CD109: variants seen among roughly 807,000 people sequenced by gnomAD.
CD109 encodes CD109 molecule, also known as CD109 antigen.
In CD109, 149 loss-of-function variants were observed where a neutral mutation model predicts 165.8. The ratio of observed to expected loss-of-function variants is 0.90; its 90% CI spans 0.79 to 1.03. The LOEUF (loss-of-function observed/expected upper bound fraction) is 1.03. CD109 is among the 50% of genes least tolerant of loss of function. CD109 has a pLI of 0.00. For missense variants in CD109, 1,712 were observed against 1,677.8 expected, an observed-to-expected ratio of 1.02 and a Z score of -0.36; for synonymous variants, 585 against 592.1, an observed-to-expected ratio of 0.99 and a Z score of 0.18.
chr6:73,681,324 T>TTGTGTGTGTG, the CD109 span, among the ~76,000 whole-genome samples: 15,908 of 145,538 alleles, frequency 0.11, 1,103 homozygotes, highest in South Asian at 0.27. Flanking sequence ...CAGTTACCAT[T>TTGTGTGTGTG]TGTGTGTGTG....
chr6:73,754,114 A>G (rs1773295565), intron 5 of CD109, among the ~76,000 whole-genome samples: 1 of 152,246 alleles, frequency 6.6e-6, no homozygotes, highest in South Asian at 2.1e-4. Context: ...AAGAAAAGCT[A>G]TTTGAAAGAG....
At chr6:73,761,834 A>G (rs1773647496) in intron 7 of CD109, among the ~76,000 whole-genome samples, 1 of 151,604 alleles carries the variant, frequency 6.6e-6, no homozygotes, top group South Asian at 2.1e-4. Flanking sequence ...ATCACCGTTT[A>G]TTAAAGACAT....
chr6:73,747,891 T>TG (rs1436764323), intron 5 of CD109, among the ~76,000 whole-genome samples: 4 of 152,016 alleles, frequency 2.6e-5, no homozygotes, highest in Middle Eastern at 3.4e-3. Flanking sequence ...TTCTTTTTTT[T>TG]TTTTCCTACC....
chr6:73,761,350 A>G (rs913367604), intron 7 of CD109, among the ~76,000 whole-genome samples: 1 of 152,172 alleles, frequency 6.6e-6, no homozygotes, highest in African/African-American at 2.4e-5. Context: ...TGTAATCTTT[A>G]AAAAATCTTT....
chr6:73,734,300 G>A (rs1772470900), intron 4 of CD109, among the ~76,000 whole-genome samples: 1 of 152,104 alleles, frequency 6.6e-6, no homozygotes, highest in South Asian at 2.1e-4. Flanking sequence ...CATTGTCCAG[G>A]AGAAATGTAT....
chr6:73,819,502 A>G (rs1776041564), intron 31 of CD109, among the ~76,000 whole-genome samples: 1 of 152,226 alleles, frequency 6.6e-6, no homozygotes, highest in Admixed American at 6.5e-5. Flanking sequence ...ATTTCATATT[A>G]CATGGGTGGG....
chr6:73,697,095 G>T (rs1035161271), intron 1 of CD109, among the ~76,000 whole-genome samples: 1 of 152,150 alleles, frequency 6.6e-6, no homozygotes, highest in African/African-American at 2.4e-5. Context: ...ATTATGCCCC[G>T]GTGCAAGCCA....
chr6:73,818,796 A>G (rs1437580), intron 31 of CD109, among the ~76,000 whole-genome samples: 17,554 of 152,210 alleles, frequency 0.12, 1,419 homozygotes, highest in African/African-American at 0.23. Flanking sequence ...TGTGAAATAC[A>G]TAGAAATTTC....
intron 31 of CD109, among the ~76,000 whole-genome samples, 155 bp from the exon 32 acceptor site, chr6:73,820,306 G>T (rs984678049): frequency 1.3e-5 from 2 of 152,166 alleles, no homozygotes; most frequent in African/African-American, 4.8e-5. Flanking sequence ...AAATAAGATA[G>T]TTCATAGGAA....
At chr6:73,800,402 T>TA (rs1363388433) in intron 23 of CD109, among the ~76,000 whole-genome samples, 2 of 152,318 alleles carry the variant, frequency 1.3e-5, no homozygotes, top group African/African-American at 4.8e-5. Context: ...GATGATGCTG[T>TA]AATGAATAAT....
At chr6:73,757,441 A>C (rs1773440683) in intron 6 of CD109, among the ~76,000 whole-genome samples, 1 of 152,224 alleles carries the variant, frequency 6.6e-6, no homozygotes, top group South Asian at 2.1e-4. Flanking sequence ...TGGGCATGAA[A>C]ATTTGAATTT....
rs1199875162 is a variant in CD109, at chr6:73,696,299, T to C, written c.74+10T>C. 1 of 1,496,452 alleles carries C rather than the reference T, an allele frequency of 6.7e-7. No individual in the cohort carries two copies. Among genetic ancestry groups the C allele is most frequent in the Non-Finnish European group, 8.8e-7 (1 of 1,131,998 alleles). 92.7% of individuals were successfully genotyped at this position (1,496,452 alleles called of 1,614,324 possible). On this transcript the variant is annotated intron_variant, in intron 1 of 32. Coordinates refer to ENST00000287097, the MANE Select transcript of CD109 (RefSeq NM_133493.5). The stretch of plus-strand genomic sequence containing the variant: ...TGGCCGTGGCTCCCGGGTAGGAACG[T>C]GGGCGCGCGGGGGGCGCGCGGGCGC...
At chr6:73,758,240 C>T (rs1773473173) in intron 6 of CD109, among the ~76,000 whole-genome samples, 1 of 151,594 alleles carries the variant, frequency 6.6e-6, no homozygotes, top group African/African-American at 2.4e-5. Flanking sequence ...GGTGAGGTGC[C>T]TTGTTATGAG....
Position 73,815,221 on chromosome 6 carries a change from T to G in CD109, c.3911+98T>G. On this transcript the variant is annotated intron_variant, in intron 30 of 32. Coordinates refer to ENST00000287097, the MANE Select transcript of CD109 (RefSeq NM_133493.5). ...TGTCTATATCAATCTAAGAGTTATA[T>G]TGAACAAAGAATTCAGTTATGCACT... 7.0e-6 allele frequency: 7 copies of G among 1,006,398 alleles called. No homozygotes were observed. The South Asian group carries it at 1.3e-4, about 19-fold the overall frequency. 62.3% of individuals were successfully genotyped at this position (1,006,398 alleles called of 1,614,324 possible). A position where few individuals can be genotyped will look rare whatever the true frequency, so the allele number is the denominator to read the frequency against.
intron 23 of CD109, among the ~76,000 whole-genome samples, chr6:73,802,882 T>C (rs1359389634): frequency 6.6e-6 from 1 of 152,068 alleles, no homozygotes; most frequent in South Asian, 2.1e-4. Context: ...GTATTTTTAA[T>C]AGAGATGGGG....
At chr6:73,709,350 A>C (rs1323101412) in intron 2 of CD109, among the ~76,000 whole-genome samples, 1 of 152,148 alleles carries the variant, frequency 6.6e-6, no homozygotes, top group Non-Finnish European at 1.5e-5. Context: ...ATTGTGTTCC[A>C]TTGGTCTATA....
At chr6:73,760,278 G>A (rs1231340700) in intron 7 of CD109, among the ~76,000 whole-genome samples, 2 of 151,646 alleles carry the variant, frequency 1.3e-5, no homozygotes, top group African/African-American at 2.4e-5. Flanking sequence ...GCGGTGGCGG[G>A]CGCCTGTAGT....
upstream of CD109, chr6:73,695,703 T>TGTGTGC (rs1770791280): frequency 6.4e-6 from 1 of 157,480 alleles, no homozygotes; most frequent in African/African-American, 2.4e-5. Context: ...CGTGCGTGTG[T>TGTGTGC]GTGTGCGTGT....
At chr6:73,816,631 G>A (rs1014402056) in intron 30 of CD109, among the ~76,000 whole-genome samples, 3 of 152,168 alleles carry the variant, frequency 2.0e-5, no homozygotes, top group Non-Finnish European at 4.4e-5. Flanking sequence ...CATGGTGTCT[G>A]TGTGTCAGGC....
Sources: gnomAD v4.1 joint callset for allele counts (sites outside exome capture counted in the v4.1 genomes callset) on GRCh38, gnomAD v4.1.1 for gene constraint, MANE v1.5 for transcripts, NCBI Gene and HGNC (gene_info 2026-07-23, HGNC 2026-07-21) for gene names.